The following ACYP2 variants were observed in gnomAD, a reference collection of about 807,000 sequenced individuals.
The protein encoded by ACYP2 is acylphosphatase-2.
In ACYP2, 12 loss-of-function variants were observed where a neutral mutation model predicts 11.2. The ratio of observed to expected loss-of-function variants is 1.08; its 90% CI spans 0.69 to 1.74. ACYP2 has a LOEUF of 1.74. Among genes scored for constraint, ACYP2 ranks in the 40% most tolerant of loss-of-function variants. The pLI is 0.00. For synonymous variants in ACYP2, 43 were observed against 32.2 expected (o/e 1.33, Z -1.13); for missense variants, 134 against 101.9 (o/e 1.31, Z -1.35).
intron 6 of ACYP2, among the ~76,000 whole-genome samples, chr2:54,193,351 T>C (rs1684317356): frequency 6.6e-6 from 1 of 152,182 alleles, no homozygotes; most frequent in Non-Finnish European, 1.5e-5. Context: ...AAAATGGAAA[T>C]GATGATCAAA....
chr2:54,065,847 C>T (rs1375996096), intron 4 of ACYP2: 3 of 226,810 alleles, frequency 1.3e-5, no homozygotes, highest in East Asian at 8.9e-5. Context: ...GCCTAAAGTC[C>T]ACTATCATCA....
intron 4 of ACYP2, among the ~76,000 whole-genome samples, chr2:54,073,411 G>C (rs1677167067): frequency 6.6e-6 from 1 of 152,048 alleles, no homozygotes; most frequent in Non-Finnish European, 1.5e-5. Context: ...AACTACCAGA[G>C]CTAGAAGTAC....
chr2:54,066,638 G>T (rs1423283169), intron 4 of ACYP2, among the ~76,000 whole-genome samples: 1 of 152,094 alleles, frequency 6.6e-6, no homozygotes, highest in Admixed American at 6.5e-5. Flanking sequence ...CCCTCGACTG[G>T]TATCAATCCA....
chr2:54,262,080 A>T (rs1398163250), intron 6 of ACYP2, among the ~76,000 whole-genome samples: 4 of 152,208 alleles, frequency 2.6e-5, no homozygotes, highest in Non-Finnish European at 5.9e-5. Flanking sequence ...GAAAATATAC[A>T]TTATTGTGCC....
At chr2:54,188,748 A>G (rs542911583) in intron 6 of ACYP2, among the ~76,000 whole-genome samples, 1 of 152,288 alleles carries the variant, frequency 6.6e-6, no homozygotes, top group African/African-American at 2.4e-5. Flanking sequence ...GTGGATTCTC[A>G]GGCCCCACCC....
At chr2:54,115,424 T>C in intron 4 of ACYP2, 191 bp from the exon 1 acceptor site, 1 of 712,588 alleles carries the variant, frequency 1.4e-6, no homozygotes, top group East Asian at 3.2e-5. Flanking sequence ...GGGAGCGCTG[T>C]GGAGACAGCA....
chr2:54,074,807 G>C (rs1313072585), intron 4 of ACYP2, among the ~76,000 whole-genome samples: 1 of 152,184 alleles, frequency 6.6e-6, no homozygotes, highest in East Asian at 1.9e-4. Context: ...TCTAAAGGCT[G>C]CAGAATTTAC....
intron 6 of ACYP2, among the ~76,000 whole-genome samples, chr2:54,169,700 G>GA (rs1683148513): frequency 6.6e-6 from 1 of 151,730 alleles, no homozygotes; most frequent in Non-Finnish European, 1.5e-5. Flanking sequence ...TTTCCATCGA[G>GA]AAAAATATTG....
intron 6 of ACYP2, among the ~76,000 whole-genome samples, chr2:54,224,685 C>T (rs1428151215): frequency 6.8e-6 from 1 of 147,984 alleles, no homozygotes; most frequent in Non-Finnish European, 1.5e-5. Flanking sequence ...AAACTTTCTT[C>T]GCCTTGGAGG....
intron 2 of ACYP2, among the ~76,000 whole-genome samples, chr2:54,024,358 T>C (rs1674163823): frequency 6.6e-6 from 1 of 152,112 alleles, no homozygotes; most frequent in Admixed American, 6.5e-5. Context: ...AGATCAAGAC[T>C]CTGTCACACA....
chr2:54,088,701 A>T (rs1443743731), intron 4 of ACYP2, among the ~76,000 whole-genome samples: 1 of 152,210 alleles, frequency 6.6e-6, no homozygotes. Flanking sequence ...CTAATTATTG[A>T]ATTGAGACTG....
chr2:54,133,280 A>G lies in ACYP2; in HGVS notation c.278-2173A>G, dbSNP rs117332777. 8.4e-4 allele frequency among the ~76,000 whole-genome samples: 128 copies of G among 152,284 alleles called. 3 individuals are homozygous for G. The East Asian group carries it at 0.018, about 21-fold the overall frequency. ...ACTTAGCATAATGCATTTGTGATTC[A>G]TACGTGTTGTTGCTTGTATCCCTGG... is the stretch of plus-strand genomic sequence containing the variant. On this transcript the variant is annotated intron_variant, in intron 4 of 6. Coordinates refer to ENST00000607452, the MANE Select transcript of ACYP2 (RefSeq NM_001320586.2).
chr2:54,075,738 G>A (rs1223898522), intron 4 of ACYP2, among the ~76,000 whole-genome samples: 1 of 151,982 alleles, frequency 6.6e-6, no homozygotes. Context: ...ACCTGAACCT[G>A]GGAGGCCGAG....
At chr2:54,090,042 G>A (rs1305064434) in intron 4 of ACYP2, among the ~76,000 whole-genome samples, 3 of 151,756 alleles carry the variant, frequency 2.0e-5, no homozygotes, top group Admixed American at 6.6e-5. Flanking sequence ...GTACTCAGGA[G>A]GCTGAGTCAG....
At chr2:54,056,421 G>A (rs1440578984) in intron 3 of ACYP2, among the ~76,000 whole-genome samples, 1 of 152,150 alleles carries the variant, frequency 6.6e-6, no homozygotes, top group East Asian at 1.9e-4. Flanking sequence ...ATTGGCAAGG[G>A]CACATGCTCA....
intron 6 of ACYP2, chr2:54,255,399 G>A (rs779394413): frequency 2.5e-5 from 41 of 1,613,920 alleles, no homozygotes; most frequent in Non-Finnish European, 3.2e-5. Flanking sequence ...CAGTGACCCA[G>A]AAGCCCGGGA....
intron 6 of ACYP2, among the ~76,000 whole-genome samples, chr2:54,302,137 G>A (rs1422047784): frequency 1.3e-5 from 2 of 152,204 alleles, no homozygotes; most frequent in Non-Finnish European, 2.9e-5. Flanking sequence ...CAGCTCAGGT[G>A]GATTAGTCGT....
At chr2:54,184,153 C>G (rs776717088) in intron 6 of ACYP2, among the ~76,000 whole-genome samples, 2 of 152,144 alleles carry the variant, frequency 1.3e-5, no homozygotes, top group Non-Finnish European at 2.9e-5. Flanking sequence ...TAGTTGGAAG[C>G]AGGGTCTGTC....
intron 6 of ACYP2, chr2:54,143,023 AC>A (rs1336982568): frequency 1.3e-5 from 2 of 152,216 alleles, no homozygotes; most frequent in Admixed American, 1.3e-4. Context: ...TCATAGTATT[AC>A]CTTATCAGAT....
Sources: allele counts gnomAD v4.1 joint callset (sites outside exome capture counted in the v4.1 genomes callset), GRCh38; gene constraint gnomAD v4.1.1; transcripts MANE v1.5; gene names NCBI Gene and HGNC (gene_info 2026-07-23, HGNC 2026-07-21).